WASF1: variants seen among roughly 807,000 people sequenced by gnomAD.
WASF1 encodes the protein WASP family member 1.
Under a neutral mutation model 50.5 loss-of-function variants are expected in WASF1, and 7 were observed. The ratio of observed to expected loss-of-function variants is 0.14; its 90% CI spans 0.08 to 0.26. The LOEUF (loss-of-function observed/expected upper bound fraction) is 0.26. Ranked by LOEUF, WASF1 falls within the 10% of genes least tolerant of loss-of-function variation. WASF1 has a pLI of 1.00. For missense variants in WASF1, 470 were observed against 694.7 expected, an observed-to-expected ratio of 0.68 and a Z score of 3.64; for synonymous variants, 205 against 244.0, an observed-to-expected ratio of 0.84 and a Z score of 1.49.
intron 4 of WASF1, 46 bp from the exon 5 acceptor site, chr6:110,113,506 A>C: frequency 6.6e-7 from 1 of 1,512,824 alleles, no homozygotes; most frequent in Non-Finnish European, 8.9e-7. Context: ...CATCCAGAGC[A>C]CTGAGTTTTT....
At chr6:110,154,069 C>T (rs1163724036) in intron 3 of WASF1, among the ~76,000 whole-genome samples, 1 of 152,084 alleles carries the variant, frequency 6.6e-6, no homozygotes, top group Non-Finnish European at 1.5e-5. Flanking sequence ...GTTGTGAACT[C>T]TCCTTTTCTA....
chr6:110,100,297 A>C lies in WASF1; in HGVS notation c.*225T>G. 1 of 439,918 alleles carries C rather than the reference A, an allele frequency of 2.3e-6. No individual in the cohort carries two copies. The highest frequency in any genetic ancestry group is 4.0e-6 in the Non-Finnish European group (1 of 250,580). 27.3% of individuals were successfully genotyped at this position (439,918 alleles called of 1,614,324 possible). On this transcript the variant is annotated 3_prime_UTR_variant, in exon 11 of 11. Coordinates refer to ENST00000392589, the MANE Select transcript of WASF1 (RefSeq NM_003931.3). ...TGCTTAATACTTAGTGGTTTATTTG[A>C]CCAAATTAGTCTTTTCAGGGGGAAA...
rs768729749 is a variant in WASF1 at position 110,100,567 on chromosome 6, A to C, written c.1635T>G (p.Asp545Glu). The C allele has an allele frequency of 2.5e-6, 4 of 1,613,438 alleles. No individual in the cohort carries two copies. The South Asian group carries it at 3.3e-5, about 13-fold the overall frequency. ...CATCAAATTCTGAATCATCTTCCGA[A>C]TCACTATATTCAACAGCAATACGGC... ...LSRRIAVEYS[D>E]SEDDSEFDEV... Residue 545 changes from aspartate to glutamate, a missense_variant, in exon 11 of 11, where the codon GAT becomes GAG. By Grantham distance (45) the Asp-to-Glu change is conservative. Transcript: ENST00000392589.
chr6:110,153,339 C>T (rs996088753), intron 3 of WASF1, among the ~76,000 whole-genome samples: 1 of 152,102 alleles, frequency 6.6e-6, no homozygotes, highest in African/African-American at 2.4e-5. Context: ...ATCTACTGTT[C>T]TGGTTTCTGT....
intron 2 of WASF1, among the ~76,000 whole-genome samples, chr6:110,177,548 C>T (rs914867562): frequency 1.3e-5 from 2 of 152,010 alleles, no homozygotes; most frequent in African/African-American, 2.4e-5. Flanking sequence ...AAAAGGACTA[C>T]AAAAACACAC....
intron 6 of WASF1, among the ~76,000 whole-genome samples, 188 bp from the exon 7 acceptor site, chr6:110,107,382 G>A (rs1389726933): frequency 6.6e-6 from 1 of 152,152 alleles, no homozygotes; most frequent in Non-Finnish European, 1.5e-5. Flanking sequence ...AAGAAAAGTG[G>A]TAAAGCAGAT....
At position 110,102,052 on chromosome 6, in the gene WASF1, G is replaced by C. The variant is rs200268109; in HGVS notation, c.1058C>G (p.Pro353Arg). 4 of 1,522,286 alleles carry C rather than the reference G, an allele frequency of 2.6e-6. No homozygotes were observed. In the African/African-American group the frequency reaches 5.6e-5, roughly 21 times the overall value. 94.3% of individuals were successfully genotyped at this position (1,522,286 alleles called of 1,614,324 possible). Residue 353 changes from proline to arginine, a missense_variant, in exon 10 of 11, where the codon CCT becomes CGT. Pro to Arg is a moderately radical substitution (Grantham distance 103). Transcript: ENST00000392589. ...SMTSTPPPPV[P>R]PPPPPPATAL... ...AGTGGCTGGAGGTGGAGGTGGGGGA[G>C]GTACTGGAGGGGGAGGAGTTGAAGT...
chr6:110,164,537 C>T (rs1776392445), intron 2 of WASF1, among the ~76,000 whole-genome samples: 1 of 151,532 alleles, frequency 6.6e-6, no homozygotes, highest in Non-Finnish European at 1.5e-5. Context: ...ATTAGAATGG[C>T]CAAAATCTAA....
intron 4 of WASF1, among the ~76,000 whole-genome samples, chr6:110,121,976 T>A (rs781235743): frequency 6.6e-6 from 1 of 151,502 alleles, no homozygotes; most frequent in African/African-American, 2.4e-5. Flanking sequence ...TAGGTGGGAA[T>A]TGAACAACAT....
chr6:110,179,035 G>C (rs1007336664), intron 1 of WASF1, among the ~76,000 whole-genome samples: 1 of 152,252 alleles, frequency 6.6e-6, no homozygotes, highest in Non-Finnish European at 1.5e-5. Flanking sequence ...CCTCGCGCAC[G>C]TAGGGCGAGC....
chr6:110,105,291 ATATT>A lies in WASF1; in HGVS notation c.713+112_713+115del. 5.5e-6 allele frequency: 6 copies of A among 1,100,612 alleles called. No homozygotes were observed. In the South Asian group the frequency reaches 1.1e-4, roughly 20 times the overall value. 68.2% of individuals were successfully genotyped at this position (1,100,612 alleles called of 1,614,324 possible). On this transcript the variant is annotated intron_variant, in intron 8 of 10. Coordinates refer to ENST00000392589, the MANE Select transcript of WASF1 (RefSeq NM_003931.3). ...TGGTCAGGATTTTGAAATAATCTCT[ATATT>A]TATAACAGGGTCTGCCTGTTCAACA...
intron 4 of WASF1, among the ~76,000 whole-genome samples, chr6:110,120,180 G>A (rs566010062): frequency 6.6e-6 from 1 of 152,200 alleles, no homozygotes; most frequent in African/African-American, 2.4e-5. Context: ...AGTGTTGGAA[G>A]GCTAGAGCAA....
At chr6:110,100,727 C>T (rs774492654) in intron 10 of WASF1, 48 bp from the exon 11 acceptor site, 3 of 1,459,676 alleles carry the variant, frequency 2.1e-6, no homozygotes, top group Admixed American at 4.7e-5. Context: ...ATACTAGATA[C>T]TAGATATTAT....
chr6:110,139,859 ATAAC>A (rs909563432), intron 3 of WASF1, among the ~76,000 whole-genome samples: 60 of 150,358 alleles, frequency 4.0e-4, no homozygotes, highest in African/African-American at 1.4e-3. Flanking sequence ...GGATAACCCA[ATAAC>A]TAATAATAGA....
chr6:110,175,180 T>C (rs1776877183), intron 2 of WASF1, among the ~76,000 whole-genome samples: 1 of 151,992 alleles, frequency 6.6e-6, no homozygotes, highest in African/African-American at 2.4e-5. Flanking sequence ...ATTCCAAAAT[T>C]TTTTCCTTAA....
chr6:110,114,100 G>T (rs1350200854), intron 4 of WASF1, among the ~76,000 whole-genome samples: 1 of 152,136 alleles, frequency 6.6e-6, no homozygotes, highest in East Asian at 1.9e-4. Flanking sequence ...ACTGCAGTTA[G>T]CTCTAGTGTT....
intron 9 of WASF1, among the ~76,000 whole-genome samples, chr6:110,102,512 C>G (rs1347101144): frequency 6.6e-6 from 1 of 152,088 alleles, no homozygotes; most frequent in African/African-American, 2.4e-5. Context: ...AAATAAAATG[C>G]TCAATTCTAT....
At chr6:110,160,984 ACC>A (rs1037130662) in intron 2 of WASF1, among the ~76,000 whole-genome samples, 5 of 151,518 alleles carry the variant, frequency 3.3e-5, no homozygotes, top group African/African-American at 1.2e-4. Context: ...ATTCTTGCTT[ACC>A]CAGAAGTCTG....
At chr6:110,104,541 C>T (rs1264375548) in intron 8 of WASF1, among the ~76,000 whole-genome samples, 1 of 152,142 alleles carries the variant, frequency 6.6e-6, no homozygotes, top group East Asian at 1.9e-4. Flanking sequence ...GCAATCCCAG[C>T]ACTTTGGGAG....
Sources: gnomAD v4.1 joint callset for allele counts (sites outside exome capture counted in the v4.1 genomes callset) on GRCh38, gnomAD v4.1.1 for gene constraint, MANE v1.5 for transcripts, NCBI Gene and HGNC (gene_info 2026-07-23, HGNC 2026-07-21) for gene names.